Variants in WWOX observed in about 807,000 individuals in gnomAD.
WWOX encodes WW domain containing oxidoreductase.
WWOX carries 69 observed loss-of-function variants against 46.2 expected under a neutral mutation model. The observed-to-expected ratio is 1.49, with a 90% CI of 1.23 to 1.82. The LOEUF (loss-of-function observed/expected upper bound fraction) is 1.82. WWOX is among the 40% of genes most tolerant of loss of function. The probability of loss-of-function intolerance (pLI) is 0.00; values close to 1 mark genes in which losing one functional copy is unlikely to be tolerated. For synonymous variants in WWOX, 359 were observed against 202.6 expected (o/e 1.77, Z -6.56); for missense variants, 919 against 542.6 (o/e 1.69, Z -6.89).
intron 8 of WWOX, among the ~76,000 whole-genome samples, chr16:78,535,896 T>A (rs1249507237): frequency 2.0e-5 from 3 of 152,018 alleles, no homozygotes; most frequent in Admixed American, 6.6e-5. Flanking sequence ...TCCTCGGTGG[T>A]GAAGTGGGGA....
chr16:78,956,769 C>G (rs904418750), intron 8 of WWOX, among the ~76,000 whole-genome samples: 1 of 152,080 alleles, frequency 6.6e-6, no homozygotes, highest in Non-Finnish European at 1.5e-5. Flanking sequence ...TCTGCTGAGC[C>G]CAGCCTCAGA....
intron 8 of WWOX, among the ~76,000 whole-genome samples, chr16:79,177,236 G>A (rs895758405): frequency 1.3e-5 from 2 of 152,134 alleles, no homozygotes; most frequent in South Asian, 2.1e-4. Context: ...TATCAGCCGC[G>A]AGTGCCGTTG....
chr16:78,720,569 G>A (rs557171457), intron 8 of WWOX, among the ~76,000 whole-genome samples: 6 of 151,724 alleles, frequency 4.0e-5, no homozygotes, highest in Non-Finnish European at 7.4e-5. Context: ...GTGAGAGACA[G>A]AGCCAGATGT....
intron 8 of WWOX, among the ~76,000 whole-genome samples, chr16:78,887,393 C>T (rs1305391565): frequency 1.3e-5 from 2 of 151,114 alleles, no homozygotes; most frequent in Non-Finnish European, 2.9e-5. Flanking sequence ...GCATTCGCTT[C>T]CAAGGCACCT....
chr16:78,438,061 C>G (rs2083371623), intron 8 of WWOX, among the ~76,000 whole-genome samples: 1 of 152,122 alleles, frequency 6.6e-6, no homozygotes, highest in Non-Finnish European at 1.5e-5. Context: ...TGGGTTTTTG[C>G]AGTTGTAACC....
intron 5 of WWOX, among the ~76,000 whole-genome samples, chr16:78,172,505 G>A (rs1387423576): frequency 1.3e-5 from 2 of 151,262 alleles, no homozygotes; most frequent in Admixed American, 6.6e-5. Context: ...TAAGTTTTCC[G>A]TTTCATTTCT....
chr16:78,674,459 AT>A (rs2047543676), intron 8 of WWOX, among the ~76,000 whole-genome samples: 1 of 151,720 alleles, frequency 6.6e-6, no homozygotes, highest in Admixed American at 6.6e-5. Flanking sequence ...TAATTTTTGT[AT>A]TTTTAGTAGA....
At chr16:78,896,374 C>T (rs1395497298) in intron 8 of WWOX, 2 of 152,132 alleles carry the variant, frequency 1.3e-5, no homozygotes, top group East Asian at 1.9e-4. Flanking sequence ...CGGGCTGGGA[C>T]CACTGATGGT....
intron 5 of WWOX, among the ~76,000 whole-genome samples, chr16:78,311,317 A>C (rs970391576): frequency 2.0e-5 from 3 of 152,212 alleles, no homozygotes; most frequent in African/African-American, 4.8e-5. Flanking sequence ...TTTCTTGATC[A>C]TCTAAGCAAT....
intron 8 of WWOX, among the ~76,000 whole-genome samples, chr16:78,971,720 C>A (rs2046474462): frequency 1.3e-5 from 2 of 151,818 alleles, no homozygotes; most frequent in Admixed American, 1.3e-4. Context: ...GCCCCCCCAC[C>A]CCGATCCCCA....
intron 8 of WWOX, among the ~76,000 whole-genome samples, chr16:78,610,206 A>G (rs950237715): frequency 2.6e-5 from 4 of 152,126 alleles, no homozygotes; most frequent in African/African-American, 9.7e-5. Flanking sequence ...TTGTGCGTTA[A>G]TTCAGTTTGT....
At chr16:78,265,313 G>C (rs1045862240) in intron 5 of WWOX, among the ~76,000 whole-genome samples, 10 of 151,802 alleles carry the variant, frequency 6.6e-5, no homozygotes, top group African/African-American at 2.2e-4. Context: ...AATTTCTGTT[G>C]AATGTATGTT....
intron 8 of WWOX, among the ~76,000 whole-genome samples, chr16:79,118,063 T>C (rs2049553239): frequency 6.6e-6 from 1 of 152,276 alleles, no homozygotes; most frequent in Non-Finnish European, 1.5e-5. Flanking sequence ...GCACGAGATC[T>C]GGCTTTCAGC....
intron 8 of WWOX, among the ~76,000 whole-genome samples, chr16:78,797,519 C>T (rs1164583664): frequency 6.6e-6 from 1 of 152,122 alleles, no homozygotes; most frequent in African/African-American, 2.4e-5. Context: ...ACAAGAGTGC[C>T]AGCCAGGATT....
At chr16:79,201,546 G>A (rs930329481) in intron 8 of WWOX, among the ~76,000 whole-genome samples, 2 of 152,060 alleles carry the variant, frequency 1.3e-5, no homozygotes, top group African/African-American at 4.8e-5. Flanking sequence ...AAAAAGTCCC[G>A]AAGGAAACTG....
intron 8 of WWOX, among the ~76,000 whole-genome samples, chr16:78,704,427 C>G (rs1249411983): frequency 6.6e-6 from 1 of 152,142 alleles, no homozygotes; most frequent in Non-Finnish European, 1.5e-5. Flanking sequence ...GTAGTGCCAA[C>G]AAGAATTATA....
chr16:78,805,994 CAAG>C (rs2051025529), intron 8 of WWOX, among the ~76,000 whole-genome samples: 1 of 152,140 alleles, frequency 6.6e-6, no homozygotes, highest in Non-Finnish European at 1.5e-5. Flanking sequence ...CCTCTTAAGA[CAAG>C]AAATCTTTCA....
rs372940596 is a variant in WWOX at position 78,930,302 on chromosome 16, C to G, written c.1057-281306C>G. On this transcript the variant is annotated intron_variant, in intron 8 of 8. Coordinates refer to ENST00000566780, the MANE Select transcript of WWOX (RefSeq NM_016373.4). ...TTCTTTTTTTATTTTTTTTTTCAGA[C>G]AGGGTCTCCTCCACACCCAGACTGG... is the stretch of plus-strand genomic sequence containing the variant. Among the ~76,000 whole-genome samples, 9 of 120,338 alleles carry G rather than the reference C, an allele frequency of 7.5e-5. 1 individual carries two copies. Among genetic ancestry groups the G allele is most frequent in the African/African-American group, 2.1e-4 (7 of 33,054 alleles). 78.9% of individuals were successfully genotyped at this position (120,338 alleles called of 152,430 possible). A position where few individuals can be genotyped will look rare whatever the true frequency, so the allele number is the denominator to read the frequency against.
intron 6 of WWOX, among the ~76,000 whole-genome samples, chr16:78,421,429 A>T (rs1597209033): frequency 6.6e-6 from 1 of 152,036 alleles, no homozygotes; most frequent in Non-Finnish European, 1.5e-5. Context: ...CTGTTTTGTA[A>T]GGATAGGCCT....
Sources: gnomAD v4.1 joint callset for allele counts (sites outside exome capture counted in the v4.1 genomes callset) on GRCh38, gnomAD v4.1.1 for gene constraint, MANE v1.5 for transcripts, NCBI Gene and HGNC (gene_info 2026-07-23, HGNC 2026-07-21) for gene names.